DMD: variants seen among roughly 807,000 people sequenced by gnomAD.
The protein encoded by DMD is dystrophin, also known as mutant dystrophin.
DMD carries 63 observed loss-of-function variants against 330.1 expected under a neutral mutation model. That is an observed-to-expected ratio of 0.19 (90% CI 0.16 to 0.24). The LOEUF is 0.24. Among genes scored for constraint, DMD ranks in the 10% least tolerant of loss-of-function variants. The pLI, the probability that DMD is intolerant of heterozygous loss-of-function variation, is 1.00. For synonymous variants in DMD, 1,223 were observed against 959.8 expected, an observed-to-expected ratio of 1.27 and a Z score of -5.07; for missense variants, 3,344 against 2,684.1, an observed-to-expected ratio of 1.25 and a Z score of -5.43.
At chrX:32,235,864 A>G (rs1264249262) in intron 43 of DMD, among the ~76,000 whole-genome samples, 2 of 111,217 alleles carry the variant, frequency 1.8e-5, no homozygotes, top group Non-Finnish European at 3.8e-5. Flanking sequence ...CTATGAAAAT[A>G]TTGTCATTGT....
intron 62 of DMD, among the ~76,000 whole-genome samples, chrX:31,283,325 G>A (rs2052767162): frequency 9.0e-6 from 1 of 111,582 alleles, no homozygotes; most frequent in Non-Finnish European, 1.9e-5. Flanking sequence ...TTTCCATCTA[G>A]CAAATTTAAA....
chrX:31,347,103 A>G lies in DMD; in HGVS notation c.9163+1453T>C, dbSNP rs145089494. Among the ~76,000 whole-genome samples, 20 of 103,693 alleles carry G rather than the reference A, an allele frequency of 1.9e-4. No individual in the cohort carries two copies. In the East Asian group the frequency reaches 6.4e-3, roughly 33 times the overall value. The allele number at this position is 103,693 out of a possible 115,157, so 90.0% of individuals were successfully genotyped here. A position where few individuals can be genotyped will look rare whatever the true frequency, so the allele number is the denominator to read the frequency against. Reference sequence around the variant, plus strand: ...TGAGGTTTCAACTTGGAGGCATAGTATTTATTTATTATTGATATATAATAT... The same window carrying G: ...TGAGGTTTCAACTTGGAGGCATAGTGTTTATTTATTATTGATATATAATAT... On this transcript the variant is annotated intron_variant, in intron 61 of 78. Transcript: ENST00000357033.
In DMD at chrX:32,484,048, T is replaced by A. The variant is rs139083570; in HGVS notation, c.2803+871A>T. 9.6e-3 allele frequency among the ~76,000 whole-genome samples: 1,070 copies of A among 111,028 alleles called. 20 individuals carry two copies. The highest frequency in any genetic ancestry group is 0.033 in the African/African-American group (1,006 of 30,664). ...AGTAGTAAACAAACACATGTTCCTG[T>A]GCTTCTCATGACAAATTTGGGACAG... is the stretch of plus-strand genomic sequence containing the variant. On this transcript the variant is annotated intron_variant, in intron 21 of 78. Transcript: ENST00000357033.
At position 33,112,352 on chromosome X, in the gene DMD, C is replaced by T. The variant is rs142580195; in HGVS notation, c.32-92152G>A. Among the ~76,000 whole-genome samples the T allele has an allele frequency of 4.2e-3, 469 of 111,319 alleles. 2 individuals are homozygous for T. Among genetic ancestry groups the T allele is most frequent in the African/African-American group, 0.014 (430 of 30,736 alleles). On this transcript the variant is annotated intron_variant, in intron 1 of 78. Transcript: ENST00000357033. ...GGCATCCACCAGGGGTCTTAGAACACGTATCCCTACAGATAAGGGGAGATT... is the reference window on the plus strand; with the variant it reads ...GGCATCCACCAGGGGTCTTAGAACATGTATCCCTACAGATAAGGGGAGATT...
At chrX:33,125,350 G>T (rs1230515555) in intron 1 of DMD, among the ~76,000 whole-genome samples, 1 of 111,045 alleles carries the variant, frequency 9.0e-6, no homozygotes, top group Non-Finnish European at 1.9e-5. Context: ...CATTAGAAAA[G>T]TTAAATAAAA....
chrX:32,284,260 C>A (rs1415999011), intron 43 of DMD, among the ~76,000 whole-genome samples: 1 of 111,682 alleles, frequency 9.0e-6, no homozygotes, highest in Non-Finnish European at 1.9e-5. Flanking sequence ...GGTCTATAGA[C>A]CTTGACTTAT....
At chrX:32,025,718 AAT>A (rs1183781011) in intron 44 of DMD, among the ~76,000 whole-genome samples, 1 of 111,836 alleles carries the variant, frequency 8.9e-6, no homozygotes, top group Non-Finnish European at 1.9e-5. Context: ...AAGTGTCTGC[AAT>A]ATGATTTTTA....
intron 20 of DMD, among the ~76,000 whole-genome samples, chrX:32,486,086 T>A (rs2042435985): frequency 9.1e-6 from 1 of 109,950 alleles, no homozygotes; most frequent in African/African-American, 3.3e-5. Flanking sequence ...TTTCCTCTTG[T>A]TGTCCTGGCA....
At chrX:31,296,401 T>A (rs956194855) in intron 62 of DMD, among the ~76,000 whole-genome samples, 2 of 111,905 alleles carry the variant, frequency 1.8e-5, no homozygotes, top group African/African-American at 6.5e-5. Flanking sequence ...TTCAAAAAGC[T>A]AATGGTAAGC....
chrX:31,221,778 G>A (rs1238196355), intron 64 of DMD, among the ~76,000 whole-genome samples: 4 of 112,913 alleles, frequency 3.5e-5, no homozygotes, highest in African/African-American at 6.4e-5. Context: ...CTGTTGGGCC[G>A]GGCGCATTGG....
At chrX:31,480,552 GTT>G (rs201602923) in intron 57 of DMD, among the ~76,000 whole-genome samples, 71 of 81,004 alleles carry the variant, frequency 8.8e-4, no homozygotes, top group African/African-American at 3.2e-3. Flanking sequence ...AAATCTCCAT[GTT>G]TGTGTGTGTG....
At chrX:32,527,344 AC>A (rs1194236157) in intron 17 of DMD, among the ~76,000 whole-genome samples, 1 of 112,084 alleles carries the variant, frequency 8.9e-6, no homozygotes, top group Non-Finnish European at 1.9e-5. Flanking sequence ...TTTAAAAATC[AC>A]CTTTCTTCTT....
At chrX:31,973,903 C>A (rs1030342158) in intron 44 of DMD, among the ~76,000 whole-genome samples, 4 of 111,548 alleles carry the variant, frequency 3.6e-5, no homozygotes, top group Non-Finnish European at 5.7e-5. Flanking sequence ...ACAGATTCAA[C>A]TTTTAACTAA....
intron 1 of DMD, among the ~76,000 whole-genome samples, chrX:33,086,331 A>T (rs2095004531): frequency 8.9e-6 from 1 of 112,080 alleles, no homozygotes; most frequent in Non-Finnish European, 1.9e-5. Flanking sequence ...GATAATTTAG[A>T]ATTTTTTAAA....
chrX:32,427,065 A>G (rs1289795152), intron 29 of DMD, among the ~76,000 whole-genome samples: 1 of 111,724 alleles, frequency 9.0e-6, no homozygotes, highest in Admixed American at 9.5e-5. Flanking sequence ...CACACTGTTT[A>G]CCTGTATAAC....
intron 60 of DMD, among the ~76,000 whole-genome samples, chrX:31,382,500 C>A (rs2060232348): frequency 8.9e-6 from 1 of 111,893 alleles, no homozygotes. Flanking sequence ...CCCCAAACCA[C>A]CACTCTTAAC....
chrX:31,829,532 T>A, intron 49 of DMD, among the ~76,000 whole-genome samples: 1 of 111,499 alleles, frequency 9.0e-6, no homozygotes, highest in Middle Eastern at 4.6e-3. Flanking sequence ...TTTGGATATT[T>A]AAAAAATATT....
intron 1 of DMD, among the ~76,000 whole-genome samples, chrX:33,336,250 A>G (rs2054252649): frequency 1.7e-5 from 1 of 58,203 alleles, no homozygotes; most frequent in Admixed American, 1.5e-4. Context: ...TTTTTTCCAA[A>G]GCGTGTGTGT....
At chrX:32,958,960 T>TG (rs747025303) in intron 2 of DMD, among the ~76,000 whole-genome samples, 38 of 108,873 alleles carry the variant, frequency 3.5e-4, no homozygotes, top group African/African-American at 5.6e-4. Context: ...AGGAATTTTT[T>TG]GGGGGGGGAT....
Sources: gnomAD v4.1 joint callset for allele counts (sites outside exome capture counted in the v4.1 genomes callset) on GRCh38, gnomAD v4.1.1 for gene constraint, MANE v1.5 for transcripts, NCBI Gene and HGNC (gene_info 2026-07-23, HGNC 2026-07-21) for gene names.